The following TMEM132D variants were observed in gnomAD, a reference collection of about 807,000 sequenced individuals.
TMEM132D encodes the protein mature OL transmembrane protein.
Under a neutral mutation model 62.3 loss-of-function variants are expected in TMEM132D, and 21 were observed. That is an observed-to-expected ratio of 0.34 (90% CI 0.24 to 0.49). The LOEUF (loss-of-function observed/expected upper bound fraction) is 0.49, where lower values mean the gene tolerates loss of function less well. Ranked by LOEUF, TMEM132D falls within the 20% of genes least tolerant of loss-of-function variation. The pLI, the probability that TMEM132D is intolerant of heterozygous loss-of-function variation, is 0.99. For missense variants in TMEM132D, 1,346 were observed against 1,402.8 expected, an observed-to-expected ratio of 0.96 and a Z score of 0.65; for synonymous variants, 621 against 575.6, an observed-to-expected ratio of 1.08 and a Z score of -1.13.
chr12:129,336,120 A>G (rs1278615868), intron 4 of TMEM132D, among the ~76,000 whole-genome samples: 1 of 152,218 alleles, frequency 6.6e-6, no homozygotes, highest in East Asian at 1.9e-4. Context: ...CTTTACATGA[A>G]AGAAGAAATC....
intron 3 of TMEM132D, among the ~76,000 whole-genome samples, chr12:129,385,621 A>G (rs753632455): frequency 2.8e-4 from 42 of 152,342 alleles, no homozygotes; most frequent in African/African-American, 9.1e-4. Context: ...AGCAAGAATT[A>G]GTTGAAAACA....
chr12:129,468,436 C>T (rs150034181), intron 3 of TMEM132D, among the ~76,000 whole-genome samples: 4 of 152,294 alleles, frequency 2.6e-5, no homozygotes, highest in East Asian at 3.9e-4. Context: ...ACCTGAAAGA[C>T]GTGGATGCAA....
intron 4 of TMEM132D, among the ~76,000 whole-genome samples, chr12:129,309,911 G>A (rs371620708): frequency 1.2e-4 from 19 of 152,220 alleles, no homozygotes; most frequent in Middle Eastern, 3.4e-3. Flanking sequence ...CAGCTGGAGC[G>A]TTTCCACAAG....
At chr12:129,280,432 G>T (rs1881110737) in intron 4 of TMEM132D, among the ~76,000 whole-genome samples, 1 of 152,182 alleles carries the variant, frequency 6.6e-6, no homozygotes, top group Non-Finnish European at 1.5e-5. Context: ...TACACATAGT[G>T]TTTGCAGTGG....
At chr12:129,580,628 C>T (rs1047285370) in intron 2 of TMEM132D, among the ~76,000 whole-genome samples, 11 of 152,034 alleles carry the variant, frequency 7.2e-5, no homozygotes, top group African/African-American at 2.2e-4. Flanking sequence ...CGCTTAAACC[C>T]GGGAGGCAAA....
intron 1 of TMEM132D, among the ~76,000 whole-genome samples, chr12:129,862,771 A>G (rs1300890375): frequency 6.6e-6 from 1 of 152,200 alleles, no homozygotes; most frequent in Non-Finnish European, 1.5e-5. Flanking sequence ...CATGTTGGAT[A>G]AAACCATTCC....
At chr12:129,555,307 A>G (rs904695712) in intron 2 of TMEM132D, among the ~76,000 whole-genome samples, 3 of 152,224 alleles carry the variant, frequency 2.0e-5, no homozygotes, top group South Asian at 2.1e-4. Flanking sequence ...GAATACCCCA[A>G]TGAAAAAGTA....
At chr12:129,300,932 C>T (rs956454578) in intron 4 of TMEM132D, among the ~76,000 whole-genome samples, 5 of 152,162 alleles carry the variant, frequency 3.3e-5, no homozygotes, top group Admixed American at 2.0e-4. Context: ...TATCCTCACA[C>T]TCCCTACTGT....
chr12:129,319,114 C>T (rs1301370454), intron 4 of TMEM132D, among the ~76,000 whole-genome samples: 1 of 152,158 alleles, frequency 6.6e-6, no homozygotes, highest in Non-Finnish European at 1.5e-5. Flanking sequence ...CGAGTTCTGG[C>T]CAGGAGGCTT....
chr12:129,605,622 T>C lies in TMEM132D; in HGVS notation c.969-74417A>G, dbSNP rs540759450. ...ATATATATACACACACATATATATA[T>C]ACACACACACACACACACACACACA... is the stretch of plus-strand genomic sequence containing the variant. On this transcript the variant is annotated intron_variant, in intron 2 of 8. Transcript: ENST00000422113. 6.5e-3 allele frequency among the ~76,000 whole-genome samples: 821 copies of C among 126,784 alleles called. 12 individuals carry two copies. Among genetic ancestry groups the C allele is most frequent in the East Asian group, 8.1e-3 (39 of 4,816 alleles). 83.2% of individuals were successfully genotyped at this position (126,784 alleles called of 152,430 possible).
intron 2 of TMEM132D, among the ~76,000 whole-genome samples, chr12:129,642,120 G>C (rs541605412): frequency 4.6e-5 from 7 of 152,256 alleles, no homozygotes; most frequent in African/African-American, 1.7e-4. Flanking sequence ...AGGATTAATT[G>C]AGGAAGTCTA....
chr12:129,389,678 C>CA (rs1871242915), intron 3 of TMEM132D, among the ~76,000 whole-genome samples: 1 of 152,240 alleles, frequency 6.6e-6, no homozygotes, highest in South Asian at 2.1e-4. Flanking sequence ...TACTAACAGT[C>CA]ATGCCATGTT....
At chr12:129,763,420 C>T (rs1870447675) in intron 1 of TMEM132D, among the ~76,000 whole-genome samples, 1 of 131,430 alleles carries the variant, frequency 7.6e-6, no homozygotes, top group South Asian at 2.6e-4. Context: ...CAGTGAGGAT[C>T]TAGATTTCTG....
intron 3 of TMEM132D, among the ~76,000 whole-genome samples, chr12:129,525,203 G>A (rs1875986947): frequency 7.3e-6 from 1 of 136,688 alleles, no homozygotes; most frequent in South Asian, 2.4e-4. Context: ...GGGATTACGG[G>A]TATGAGCCAC....
intron 2 of TMEM132D, among the ~76,000 whole-genome samples, chr12:129,655,292 G>A (rs1880044654): frequency 6.8e-6 from 1 of 146,962 alleles, no homozygotes; most frequent in Admixed American, 6.9e-5. Flanking sequence ...TGTTACCCAG[G>A]CTGGAGTGCA....
At chr12:129,238,798 A>C (rs1879854866) in intron 4 of TMEM132D, among the ~76,000 whole-genome samples, 4 of 152,222 alleles carry the variant, frequency 2.6e-5, no homozygotes, top group Admixed American at 2.6e-4. Flanking sequence ...TGGGTGTCCG[A>C]ATATCCCTTT....
intron 1 of TMEM132D, among the ~76,000 whole-genome samples, chr12:129,800,420 G>T (rs529962660): frequency 6.6e-6 from 1 of 151,784 alleles, no homozygotes; most frequent in Non-Finnish European, 1.5e-5. Context: ...CCTATGATAC[G>T]CCAGGCCCTG....
At chr12:129,457,300 T>G (rs892312911) in intron 3 of TMEM132D, among the ~76,000 whole-genome samples, 1 of 151,538 alleles carries the variant, frequency 6.6e-6, no homozygotes, top group Non-Finnish European at 1.5e-5. Flanking sequence ...GGGACATGGA[T>G]GAAGCTGGAA....
chr12:129,508,471 TCTC>T (rs1249315694), intron 3 of TMEM132D, among the ~76,000 whole-genome samples: 1 of 152,162 alleles, frequency 6.6e-6, no homozygotes, highest in Non-Finnish European at 1.5e-5. Context: ...TATTTGCTCT[TCTC>T]CTTCTCTTCC....
Sources: gnomAD v4.1 joint callset for allele counts (sites outside exome capture counted in the v4.1 genomes callset) on GRCh38, gnomAD v4.1.1 for gene constraint, MANE v1.5 for transcripts, NCBI Gene and HGNC (gene_info 2026-07-23, HGNC 2026-07-21) for gene names.